Variants in ARB2A observed in about 807,000 individuals in gnomAD.
The protein encoded by ARB2A is ARB2 cotranscriptional regulator A, also known as cotranscriptional regulator ARB2A.
At chr5:94,084,934 G>A in the ARB2A span, among the ~76,000 whole-genome samples, 1 of 152,158 alleles carries the variant, frequency 6.6e-6, no homozygotes, top group South Asian at 2.1e-4. Context: ...AAATACAGGA[G>A]ACTACTACTT....
the ARB2A span, chr5:94,111,683 A>G: frequency 6.6e-6 from 1 of 152,352 alleles, no homozygotes; most frequent in Non-Finnish European, 1.5e-5. Context: ...ATACGTCATT[A>G]CGCACTTGAC....
chr5:93,778,887 C>T, the ARB2A span, among the ~76,000 whole-genome samples: 1 of 152,146 alleles, frequency 6.6e-6, no homozygotes, highest in African/African-American at 2.4e-5. Context: ...ACCTTTAACT[C>T]AAACACTTAA....
the ARB2A span, among the ~76,000 whole-genome samples, chr5:93,634,379 A>G: frequency 2.7e-5 from 4 of 149,906 alleles, no homozygotes; most frequent in African/African-American, 9.8e-5. Flanking sequence ...CAGCCTGGTG[A>G]GAGTGAGACA....
At chr5:93,827,536 T>G in the ARB2A span, among the ~76,000 whole-genome samples, 1 of 152,210 alleles carries the variant, frequency 6.6e-6, no homozygotes, top group African/African-American at 2.4e-5. Flanking sequence ...TTTTCCTCCA[T>G]TCTGTAGGTT....
chr5:93,790,854 G>A, the ARB2A span, among the ~76,000 whole-genome samples: 1 of 152,140 alleles, frequency 6.6e-6, no homozygotes, highest in African/African-American at 2.4e-5. Flanking sequence ...AGAATTAGAC[G>A]TGCTTAGATT....
At chr5:93,721,705 G>A in the ARB2A span, among the ~76,000 whole-genome samples, 1 of 152,104 alleles carries the variant, frequency 6.6e-6, no homozygotes. Flanking sequence ...TTCACAGGAA[G>A]GAGCCTTAGA....
At chr5:93,927,500 C>T in the ARB2A span, among the ~76,000 whole-genome samples, 1 of 152,252 alleles carries the variant, frequency 6.6e-6, no homozygotes, top group East Asian at 1.9e-4. Context: ...TCCTCAGTAC[C>T]GTAAACTTCA....
At chr5:93,997,325 T>C in the ARB2A span, among the ~76,000 whole-genome samples, 3 of 152,006 alleles carry the variant, frequency 2.0e-5, no homozygotes, top group Admixed American at 2.0e-4. Context: ...GTCAGTAGAT[T>C]ATAACGTTAG....
the ARB2A span, among the ~76,000 whole-genome samples, chr5:93,853,424 C>T: frequency 1.3e-5 from 2 of 152,184 alleles, no homozygotes; most frequent in Non-Finnish European, 2.9e-5. Context: ...TTGACTTCCT[C>T]TTTTCCTAAT....
the ARB2A span, among the ~76,000 whole-genome samples, chr5:94,097,991 G>A: frequency 2.0e-5 from 3 of 152,130 alleles, no homozygotes; most frequent in Non-Finnish European, 4.4e-5. Flanking sequence ...AGCACAGCAG[G>A]TGCTTAACCT....
At chr5:93,967,773 T>A in the ARB2A span, among the ~76,000 whole-genome samples, 2 of 152,144 alleles carry the variant, frequency 1.3e-5, no homozygotes, top group African/African-American at 4.8e-5. Context: ...GAAGAGAAAC[T>A]ATTTTACCAG....
the ARB2A span, among the ~76,000 whole-genome samples, chr5:93,833,980 C>A: frequency 6.6e-6 from 1 of 152,058 alleles, no homozygotes; most frequent in East Asian, 1.9e-4. Flanking sequence ...TAACCCTTGC[C>A]CCCTACTTCT....
the ARB2A span, chr5:93,741,225 C>T: frequency 6.2e-7 from 1 of 1,613,888 alleles, no homozygotes; most frequent in Non-Finnish European, 8.5e-7. Flanking sequence ...CTGGCGGCGG[C>T]AACTTCGGAA....
chr5:93,872,127 T>C, the ARB2A span, among the ~76,000 whole-genome samples: 1 of 151,976 alleles, frequency 6.6e-6, no homozygotes, highest in Non-Finnish European at 1.5e-5. Flanking sequence ...TTTGTATTTT[T>C]AGTAGAGACG....
At chr5:94,066,604 T>C in the ARB2A span, among the ~76,000 whole-genome samples, 3 of 152,112 alleles carry the variant, frequency 2.0e-5, no homozygotes, top group Admixed American at 6.6e-5. Flanking sequence ...AATAAATTCC[T>C]GGACAAATAA....
At chr5:93,902,691 G>A in the ARB2A span, among the ~76,000 whole-genome samples, 2 of 152,042 alleles carry the variant, frequency 1.3e-5, no homozygotes, top group Non-Finnish European at 2.9e-5. Context: ...ATGTCATTTC[G>A]TGAAAAGATA....
the ARB2A span, among the ~76,000 whole-genome samples, chr5:94,085,310 G>A: frequency 6.6e-6 from 1 of 152,192 alleles, no homozygotes. Flanking sequence ...TAAAATCCCA[G>A]TTTCTGTAGA....
the ARB2A span, among the ~76,000 whole-genome samples, chr5:93,789,082 T>C: frequency 6.6e-6 from 1 of 152,174 alleles, no homozygotes; most frequent in African/African-American, 2.4e-5. Flanking sequence ...CATAGCTATG[T>C]TTGGATATAT....
At chr5:93,716,135 A>T in the ARB2A span, among the ~76,000 whole-genome samples, 2 of 152,212 alleles carry the variant, frequency 1.3e-5, no homozygotes, top group African/African-American at 2.4e-5. Context: ...AATAAGGTGA[A>T]GAGAAGAGCA....
Sources: allele counts gnomAD v4.1 joint callset (sites outside exome capture counted in the v4.1 genomes callset), GRCh38; gene constraint gnomAD v4.1.1; transcripts MANE v1.5; gene names NCBI Gene and HGNC (gene_info 2026-07-23, HGNC 2026-07-21).